Variants in CAMK1D observed in about 807,000 individuals in gnomAD.
CAMK1D encodes calcium/calmodulin-dependent protein kinase type 1D.
In CAMK1D, 9 loss-of-function variants were observed where a neutral mutation model predicts 47.7. That is an observed-to-expected ratio of 0.19 (90% CI 0.11 to 0.33). The LOEUF is 0.33. CAMK1D is among the 10% of genes least tolerant of loss of function. The pLI is 1.00. For missense variants in CAMK1D, 291 were observed against 488.7 expected (o/e 0.60, Z 3.81); for synonymous variants, 184 against 184.9 (o/e 0.99, Z 0.04).
chr10:12,462,965 A>G (rs893527083), intron 1 of CAMK1D, among the ~76,000 whole-genome samples: 7 of 152,132 alleles, frequency 4.6e-5, no homozygotes, highest in Non-Finnish European at 7.4e-5. Context: ...GACAGAGAGC[A>G]CTCTATCTGG....
intron 1 of CAMK1D, among the ~76,000 whole-genome samples, chr10:12,392,882 A>C (rs894677536): frequency 2.0e-5 from 3 of 152,098 alleles, no homozygotes; most frequent in Admixed American, 6.5e-5. Flanking sequence ...GAGTTTAAAC[A>C]TAGTAAGCCT....
Position 12,829,790 on chromosome 10 carries a change from G to C in CAMK1D, c.*903G>C, listed in dbSNP as rs1004709727. 6.6e-6 allele frequency: 1 copy of C among 151,592 alleles called. No individual in the cohort carries two copies. Among genetic ancestry groups the C allele is most frequent in the African/African-American group, 2.4e-5 (1 of 41,168 alleles). 9.4% of individuals were successfully genotyped at this position (151,592 alleles called of 1,614,324 possible). The stretch of plus-strand genomic sequence containing the variant: ...CATGAATCTGTCTCCAAGGCTAAGA[G>C]TGCCCTTCACCTCTACTCCTTCTGT... On this transcript the variant is annotated 3_prime_UTR_variant, in exon 11 of 11. Transcript: ENST00000619168.
At chr10:12,702,533 A>G (rs1833564169) in intron 3 of CAMK1D, among the ~76,000 whole-genome samples, 1 of 152,232 alleles carries the variant, frequency 6.6e-6, no homozygotes, top group South Asian at 2.1e-4. Flanking sequence ...CCTAGGAATA[A>G]CAGTAGCTAA....
At position 12,762,627 on chromosome 10, in the gene CAMK1D, A is replaced by G. The variant is rs112255607; in HGVS notation, c.438+1541A>G. 6.9e-3 allele frequency among the ~76,000 whole-genome samples: 1,044 copies of G among 152,286 alleles called. 11 individuals carry two copies. The highest frequency in any genetic ancestry group is 0.023 in the African/African-American group (947 of 41,560). Reference sequence around the variant, plus strand: ...TGCATTTCTAACAGGTCTGCCCGTGATGAGGATGCTGGTCTGGGAACTGCT... The same window carrying G: ...TGCATTTCTAACAGGTCTGCCCGTGGTGAGGATGCTGGTCTGGGAACTGCT... On this transcript the variant is annotated intron_variant, in intron 4 of 10. Transcript: ENST00000619168.
chr10:12,712,713 T>C (rs547303559), intron 3 of CAMK1D, among the ~76,000 whole-genome samples: 37 of 152,328 alleles, frequency 2.4e-4, no homozygotes, highest in Non-Finnish European at 4.1e-4. Context: ...TACTGGGGGT[T>C]AGGGTTTCGT....
chr10:12,352,838 G>A (rs1022884829), intron 1 of CAMK1D, among the ~76,000 whole-genome samples: 1 of 150,218 alleles, frequency 6.7e-6, no homozygotes, highest in East Asian at 2.0e-4. Flanking sequence ...ATGGGTTCAC[G>A]CCATTCTCCT....
At chr10:12,816,729 G>T (rs1273368109) in intron 8 of CAMK1D, among the ~76,000 whole-genome samples, 1 of 151,734 alleles carries the variant, frequency 6.6e-6, no homozygotes, top group Non-Finnish European at 1.5e-5. Flanking sequence ...AAAATTAGCT[G>T]GGCATGGTGG....
At chr10:12,426,219 G>A (rs1236813711) in intron 1 of CAMK1D, among the ~76,000 whole-genome samples, 1 of 152,174 alleles carries the variant, frequency 6.6e-6, no homozygotes, top group African/African-American at 2.4e-5. Context: ...TGTTTAGGCT[G>A]TTGTATTTTT....
chr10:12,815,178 G>A (rs990924959), intron 7 of CAMK1D, among the ~76,000 whole-genome samples: 3 of 152,168 alleles, frequency 2.0e-5, no homozygotes, highest in African/African-American at 7.2e-5. Context: ...ACTCTGAAAC[G>A]TTCCTAGGGA....
chr10:12,609,175 C>A (rs1838552008), intron 2 of CAMK1D, among the ~76,000 whole-genome samples: 1 of 152,200 alleles, frequency 6.6e-6, no homozygotes, highest in Admixed American at 6.5e-5. Context: ...TGGAGGAAGT[C>A]ATGACCCAGC....
Position 12,435,275 on chromosome 10 carries a change from T to C in CAMK1D, c.92+85365T>C, listed in dbSNP as rs79163479. Among the ~76,000 whole-genome samples the C allele has an allele frequency of 4.2e-3, 611 of 145,856 alleles. 1 individual carries two copies. Among genetic ancestry groups the C allele is most frequent in the Non-Finnish European group, 6.8e-3 (452 of 66,794 alleles). ...AAGGTGATGGGGAGCAGGAGGCCAATTGCAGTCCCTGAACAAGAAGCCCCA... is the reference window on the plus strand; with the variant it reads ...AAGGTGATGGGGAGCAGGAGGCCAACTGCAGTCCCTGAACAAGAAGCCCCA... On this transcript the variant is annotated intron_variant, in intron 1 of 10. Coordinates refer to ENST00000619168, the MANE Select transcript of CAMK1D (RefSeq NM_153498.4).
At chr10:12,443,162 G>C (rs1832830750) in intron 1 of CAMK1D, among the ~76,000 whole-genome samples, 1 of 152,032 alleles carries the variant, frequency 6.6e-6, no homozygotes, top group African/African-American at 2.4e-5. Flanking sequence ...TGAAGCCTCA[G>C]TAGTGAAACT....
At chr10:12,433,013 GA>G (rs1426992323) in intron 1 of CAMK1D, among the ~76,000 whole-genome samples, 1 of 152,216 alleles carries the variant, frequency 6.6e-6, no homozygotes, top group East Asian at 1.9e-4. Flanking sequence ...ACGGATCATG[GA>G]AAAGAACCAC....
intron 3 of CAMK1D, among the ~76,000 whole-genome samples, chr10:12,757,257 G>A (rs188552430): frequency 6.6e-5 from 10 of 152,196 alleles, no homozygotes; most frequent in Non-Finnish European, 7.4e-5. Flanking sequence ...ACAGATGTGC[G>A]CCACTGTGCC....
intron 1 of CAMK1D, among the ~76,000 whole-genome samples, chr10:12,526,479 C>T (rs1588593224): frequency 6.6e-6 from 1 of 152,092 alleles, no homozygotes; most frequent in Non-Finnish European, 1.5e-5. Context: ...CCCTTGATCT[C>T]AGGGGTGCTT....
intron 5 of CAMK1D, among the ~76,000 whole-genome samples, chr10:12,772,563 G>A (rs936380018): frequency 7.2e-5 from 11 of 152,202 alleles, no homozygotes; most frequent in Admixed American, 6.5e-4. Context: ...CAAAGCCCAC[G>A]GAATGGCAGT....
At chr10:12,621,994 C>T (rs1839013430) in intron 2 of CAMK1D, among the ~76,000 whole-genome samples, 2 of 152,188 alleles carry the variant, frequency 1.3e-5, no homozygotes, top group African/African-American at 4.8e-5. Context: ...GCTCGGGGAG[C>T]TCCTTCCCAC....
chr10:12,828,619 G>A, intron 10 of CAMK1D, 150 bp from the exon 11 acceptor site: 1 of 625,148 alleles, frequency 1.6e-6, no homozygotes, highest in African/African-American at 1.9e-5. Flanking sequence ...CCAGCCTGGT[G>A]AAAAGAGTGA....
At chr10:12,503,385 T>C (rs1111063) in intron 1 of CAMK1D, among the ~76,000 whole-genome samples, 79,828 of 151,984 alleles carry the variant, frequency 0.53, 21,219 homozygotes, top group East Asian at 0.72. Flanking sequence ...AGGTTTACAG[T>C]TGAGAAGCAG....
Sources: gnomAD v4.1 joint callset for allele counts (sites outside exome capture counted in the v4.1 genomes callset) on GRCh38, gnomAD v4.1.1 for gene constraint, MANE v1.5 for transcripts, NCBI Gene and HGNC (gene_info 2026-07-23, HGNC 2026-07-21) for gene names.